Variants in RBFOX1 observed in about 807,000 individuals in gnomAD.
RBFOX1 encodes RNA binding fox-1 homolog 1.
RBFOX1 carries 8 observed loss-of-function variants against 57.7 expected under a neutral mutation model. The observed-to-expected ratio is 0.14, with a 90% confidence interval of 0.08 to 0.25. The LOEUF (loss-of-function observed/expected upper bound fraction) is 0.25, where lower values mean the gene tolerates loss of function less well. Ranked by LOEUF, RBFOX1 falls within the 10% of genes least tolerant of loss-of-function variation. RBFOX1 has a pLI of 1.00. For missense variants in RBFOX1, 611 were observed against 548.5 expected, an observed-to-expected ratio of 1.11 and a Z score of -1.14; for synonymous variants, 326 against 222.4, an observed-to-expected ratio of 1.47 and a Z score of -4.15.
chr16:6,688,606 C>T (rs376975263), intron 3 of RBFOX1, among the ~76,000 whole-genome samples: 33 of 152,236 alleles, frequency 2.2e-4, no homozygotes, highest in African/African-American at 7.7e-4. Flanking sequence ...TATCACTGTC[C>T]AACCAGCCAT....
chr16:6,232,895 T>G (rs9940011), intron 1 of RBFOX1, among the ~76,000 whole-genome samples: 95,886 of 151,962 alleles, frequency 0.63, 31,322 homozygotes, highest in East Asian at 0.77. Context: ...ACATGTCCAG[T>G]CTCTTCTGTG....
chr16:6,986,775 C>T (rs1466274143), intron 3 of RBFOX1, among the ~76,000 whole-genome samples: 1 of 152,094 alleles, frequency 6.6e-6, no homozygotes, highest in Non-Finnish European at 1.5e-5. Context: ...TTGCCTCCTC[C>T]ACTTGCCTTT....
At chr16:5,667,341 T>G (rs570595804) in intron 3 of RBFOX1, among the ~76,000 whole-genome samples, 1 of 152,394 alleles carries the variant, frequency 6.6e-6, no homozygotes, top group African/African-American at 2.4e-5. Flanking sequence ...TGAGAACAAC[T>G]TTGGCTGTGT....
intron 2 of RBFOX1, among the ~76,000 whole-genome samples, chr16:6,645,891 T>C (rs1039494005): frequency 6.6e-6 from 1 of 152,154 alleles, no homozygotes; most frequent in Non-Finnish European, 1.5e-5. Context: ...TCGGCCTCCT[T>C]GTGCAGAGTT....
At chr16:5,990,980 G>C (rs1431053909) in intron 4 of RBFOX1, among the ~76,000 whole-genome samples, 1 of 151,536 alleles carries the variant, frequency 6.6e-6, no homozygotes, top group Non-Finnish European at 1.5e-5. Flanking sequence ...GTCAGAGAGA[G>C]AAAAAAAATA....
chr16:7,513,287 G>A (rs63097362), intron 4 of RBFOX1, among the ~76,000 whole-genome samples: 104,913 of 131,814 alleles, frequency 0.8, 39,847 homozygotes, highest in Middle Eastern at 0.89. Flanking sequence ...TAAAAATAAT[G>A]AATGAATGAA....
chr16:5,557,915 C>G lies in RBFOX1; in HGVS notation c.259-40987C>G, dbSNP rs147784626. On this transcript the variant is annotated intron_variant, in intron 2 of 2. Coordinates refer to the RBFOX1 transcript ENST00000585867. Reference sequence around the variant, plus strand: ...AAACAGCTGAAGGTCAGAACCAGAACAATGACAGTGGAACAACGTGGCAGA... The same window carrying G: ...AAACAGCTGAAGGTCAGAACCAGAAGAATGACAGTGGAACAACGTGGCAGA... Among the ~76,000 whole-genome samples the G allele has an allele frequency of 9.0e-3, 1,365 of 152,348 alleles. 10 individuals are homozygous for G. Among genetic ancestry groups the G allele is most frequent in the Non-Finnish European group, 0.015 (1,026 of 68,038 alleles).
At chr16:6,803,880 G>T (rs2086079319) in intron 3 of RBFOX1, among the ~76,000 whole-genome samples, 2 of 152,148 alleles carry the variant, frequency 1.3e-5, no homozygotes, top group African/African-American at 4.8e-5. Context: ...GCTGTAAGCT[G>T]CAGAGTGTTG....
At chr16:5,919,993 C>T (rs1005589099) in intron 4 of RBFOX1, among the ~76,000 whole-genome samples, 6 of 152,162 alleles carry the variant, frequency 3.9e-5, no homozygotes, top group African/African-American at 1.2e-4. Flanking sequence ...GGCTGGAGTG[C>T]AGTGGCGCGA....
intron 2 of RBFOX1, among the ~76,000 whole-genome samples, chr16:6,367,297 G>A (rs1397682337): frequency 6.6e-6 from 1 of 151,310 alleles, no homozygotes; most frequent in African/African-American, 2.4e-5. Context: ...TTAAGGTGTA[G>A]TCTCACACCG....
intron 3 of RBFOX1, among the ~76,000 whole-genome samples, chr16:6,913,501 C>T (rs1187013193): frequency 6.6e-6 from 1 of 152,134 alleles, no homozygotes; most frequent in Non-Finnish European, 1.5e-5. Context: ...AACCCTCGGC[C>T]CCATCATCTG....
intron 2 of RBFOX1, among the ~76,000 whole-genome samples, chr16:6,455,186 C>T (rs1027399096): frequency 6.6e-6 from 1 of 151,968 alleles, no homozygotes; most frequent in Non-Finnish European, 1.5e-5. Flanking sequence ...AGCCGCCACG[C>T]CTGGCCTACC....
At chr16:5,432,303 C>G (rs1203731475) in intron 1 of RBFOX1, among the ~76,000 whole-genome samples, 1 of 148,102 alleles carries the variant, frequency 6.8e-6, no homozygotes, top group African/African-American at 2.5e-5. Context: ...AGGCAGGCCT[C>G]GCCGCAAGAA....
chr16:6,225,815 G>C lies in RBFOX1; in HGVS notation c.-126-91180G>C, dbSNP rs576640628. ...TACTAGCCTAGGAGACATGACTGAAGTGTGAATGCAGTGTGCAACATCTTT... is the reference window on the plus strand; with the variant it reads ...TACTAGCCTAGGAGACATGACTGAACTGTGAATGCAGTGTGCAACATCTTT... On this transcript the variant is annotated intron_variant, in intron 1 of 15. Coordinates refer to ENST00000550418, the MANE Select transcript of RBFOX1 (RefSeq NM_018723.4). 3.0e-4 allele frequency among the ~76,000 whole-genome samples: 46 copies of C among 152,330 alleles called. 1 individual carries two copies. In the South Asian group the frequency reaches 8.9e-3, roughly 29 times the overall value.
At chr16:6,351,226 G>T (rs998925117) in intron 2 of RBFOX1, among the ~76,000 whole-genome samples, 4 of 150,824 alleles carry the variant, frequency 2.7e-5, no homozygotes, top group African/African-American at 9.8e-5. Context: ...ATATACAACT[G>T]TGTAATTATA....
At chr16:7,625,852 T>G (rs1467898862) in intron 10 of RBFOX1, among the ~76,000 whole-genome samples, 1 of 152,212 alleles carries the variant, frequency 6.6e-6, no homozygotes, top group Non-Finnish European at 1.5e-5. Flanking sequence ...TCAGAAACCT[T>G]TGGATTCTCA....
chr16:5,487,371 G>A (rs1468454196), intron 2 of RBFOX1, among the ~76,000 whole-genome samples: 4 of 152,212 alleles, frequency 2.6e-5, no homozygotes, highest in Non-Finnish European at 4.4e-5. Flanking sequence ...GAGAAAACAG[G>A]AGAGAGGAAG....
intron 4 of RBFOX1, among the ~76,000 whole-genome samples, chr16:7,352,085 A>G (rs549758686): frequency 3.7e-4 from 56 of 152,234 alleles, no homozygotes; most frequent in African/African-American, 5.1e-4. Context: ...TGGTCTTGCA[A>G]TTGCGGGGTG....
chr16:6,830,280 T>C (rs1021131102), intron 3 of RBFOX1, among the ~76,000 whole-genome samples: 3 of 152,176 alleles, frequency 2.0e-5, no homozygotes, highest in South Asian at 4.2e-4. Context: ...CATTCTGATA[T>C]ACACAACAGG....
Sources: gnomAD v4.1 joint callset for allele counts (sites outside exome capture counted in the v4.1 genomes callset) on GRCh38, gnomAD v4.1.1 for gene constraint, MANE v1.5 for transcripts, NCBI Gene and HGNC (gene_info 2026-07-23, HGNC 2026-07-21) for gene names.